ELF2: variants seen among roughly 807,000 people sequenced by gnomAD.
ELF2 encodes E74 like ETS transcription factor 2, also known as ETS-related transcription factor Elf-2.
ELF2 carries 11 observed loss-of-function variants against 54.8 expected under a neutral mutation model. The ratio of observed to expected loss-of-function variants is 0.20; its 90% CI spans 0.13 to 0.33. The LOEUF is 0.33. Among genes scored for constraint, ELF2 ranks in the 10% least tolerant of loss-of-function variants. The probability of loss-of-function intolerance (pLI) is 1.00; values close to 1 mark genes in which losing one functional copy is unlikely to be tolerated. For synonymous variants in ELF2, 203 were observed against 245.1 expected, an observed-to-expected ratio of 0.83 and a Z score of 1.61; for missense variants, 513 against 703.0, an observed-to-expected ratio of 0.73 and a Z score of 3.06.
intron 1 of ELF2, among the ~76,000 whole-genome samples, chr4:139,174,006 GA>G (rs1297657458): frequency 6.7e-6 from 1 of 150,124 alleles, no homozygotes; most frequent in Non-Finnish European, 1.5e-5. Flanking sequence ...GGCGGATCAC[GA>G]GGTCAGGAGA....
At chr4:139,161,963 G>A (rs769293905) in intron 1 of ELF2, among the ~76,000 whole-genome samples, 1 of 152,140 alleles carries the variant, frequency 6.6e-6, no homozygotes, top group Non-Finnish European at 1.5e-5. Context: ...GTGTGGTGGT[G>A]GACGCCTGTA....
At chr4:139,133,361 T>C (rs550289115) in intron 3 of ELF2, among the ~76,000 whole-genome samples, 3 of 152,340 alleles carry the variant, frequency 2.0e-5, no homozygotes, top group Admixed American at 6.5e-5. Flanking sequence ...ATTTCCCTGA[T>C]AGTTAATAAT....
chr4:139,086,279 T>C (rs1425413242), intron 4 of ELF2, among the ~76,000 whole-genome samples: 1 of 152,098 alleles, frequency 6.6e-6, no homozygotes, highest in East Asian at 1.9e-4. Context: ...CTTGAGCATG[T>C]TTAGGGAAAA....
At chr4:139,170,532 G>C (rs1364255062) in intron 1 of ELF2, among the ~76,000 whole-genome samples, 1 of 150,940 alleles carries the variant, frequency 6.6e-6, no homozygotes, top group African/African-American at 2.4e-5. Context: ...AAAGTGCTGG[G>C]ATTACAGGTG....
At chr4:139,084,290 G>A (rs921841027) in intron 4 of ELF2, 1 of 1,600,412 alleles carries the variant, frequency 6.2e-7, no homozygotes, top group African/African-American at 1.3e-5. Flanking sequence ...CACACGCCGT[G>A]CGACCGACAC....
intron 4 of ELF2, among the ~76,000 whole-genome samples, chr4:139,088,450 GTTT>G: frequency 6.6e-6 from 1 of 152,238 alleles, no homozygotes; most frequent in African/African-American, 2.4e-5. Context: ...TCAATACTGA[GTTT>G]TTAATTGCCA....
intron 4 of ELF2, 176 bp from the exon 5 acceptor site, chr4:139,073,743 A>ATCTAC (rs1344390712): frequency 2.9e-6 from 1 of 349,076 alleles, no homozygotes; most frequent in African/African-American, 2.1e-5. Flanking sequence ...TTACAGAAAT[A>ATCTAC]ATTTTTAAAA....
At chr4:139,066,465 AAAAAAG>A in intron 7 of ELF2, 1 of 152,148 alleles carries the variant, frequency 6.6e-6, no homozygotes, top group Middle Eastern at 3.4e-3. Context: ...AAAATTAAAA[AAAAAAG>A]ATAATAAAAA....
chr4:139,088,089 C>G (rs1732184955), intron 4 of ELF2, among the ~76,000 whole-genome samples: 2 of 151,958 alleles, frequency 1.3e-5, no homozygotes, highest in Non-Finnish European at 1.5e-5. Context: ...GAATTTGAGA[C>G]CAGCCTGGCC....
intron 3 of ELF2, among the ~76,000 whole-genome samples, chr4:139,135,237 A>ACGTG (rs1553968023): frequency 8.9e-6 from 1 of 112,398 alleles, no homozygotes; most frequent in African/African-American, 3.0e-5. Context: ...TACTATATAT[A>ACGTG]TGTGTGTGTG....
At chr4:139,067,340 A>G (rs1042894932) in intron 7 of ELF2, 1 of 197,568 alleles carries the variant, frequency 5.1e-6, no homozygotes, top group African/African-American at 2.3e-5. Flanking sequence ...TTAGTTGTAA[A>G]CCCCTTTGAA....
intron 4 of ELF2, among the ~76,000 whole-genome samples, chr4:139,077,323 C>G (rs1730450753): frequency 6.6e-6 from 1 of 152,112 alleles, no homozygotes; most frequent in Non-Finnish European, 1.5e-5. Flanking sequence ...ATCTACAGTT[C>G]AGAGAGCATT....
At chr4:139,076,591 G>C (rs1165613179) in intron 4 of ELF2, among the ~76,000 whole-genome samples, 2 of 152,006 alleles carry the variant, frequency 1.3e-5, no homozygotes, top group Non-Finnish European at 2.9e-5. Context: ...ATTGTATTAA[G>C]ACACACCCTA....
intron 4 of ELF2, among the ~76,000 whole-genome samples, chr4:139,086,796 G>A (rs994058819): frequency 6.6e-6 from 1 of 151,708 alleles, no homozygotes; most frequent in East Asian, 1.9e-4. Flanking sequence ...ATATACAGTG[G>A]GTATAATTAC....
chr4:139,139,873 A>G (rs1380935608), intron 1 of ELF2, among the ~76,000 whole-genome samples: 3 of 152,114 alleles, frequency 2.0e-5, no homozygotes, highest in Non-Finnish European at 4.4e-5. Context: ...CCAGGAGTAT[A>G]AAATCAAGTT....
At chr4:139,089,314 A>T (rs1732340685) in intron 4 of ELF2, among the ~76,000 whole-genome samples, 1 of 152,140 alleles carries the variant, frequency 6.6e-6, no homozygotes, top group South Asian at 2.1e-4. Flanking sequence ...GGGGGATTTA[A>T]ACCACACAGG....
At chr4:139,134,584 ATTTATTTTATTTTATTTTAT>A (rs142478360) in intron 3 of ELF2, among the ~76,000 whole-genome samples, 3 of 139,984 alleles carry the variant, frequency 2.1e-5, no homozygotes, top group African/African-American at 5.4e-5. Flanking sequence ...TTTATGTTAT[ATTTATTTTATTTTATTTTAT>A]TTTATTTTAT....
At position 139,115,058 on chromosome 4, in the gene ELF2, C is replaced by T. The variant is rs568080858; in HGVS notation, c.238+10106G>A. 4.8e-5 allele frequency: 77 copies of T among 1,613,976 alleles called. No homozygotes were observed. In the African/African-American group the frequency reaches 9.9e-4, roughly 21 times the overall value. ...TTGACCGTGGCAGCCCGGGCATCGT[C>T]ACTCTCCATGTCCAGGAGCTCATCC... On this transcript the variant is annotated intron_variant, in intron 4 of 9. Coordinates refer to ENST00000686138, the MANE Select transcript of ELF2 (RefSeq NM_001331036.3).
intron 4 of ELF2, among the ~76,000 whole-genome samples, chr4:139,114,073 CATTTT>C (rs1735267019): frequency 6.6e-6 from 1 of 152,154 alleles, no homozygotes; most frequent in Middle Eastern, 3.4e-3. Context: ...AGCTTCATTT[CATTTT>C]CTTTTTAGAT....
Sources: allele counts gnomAD v4.1 joint callset (sites outside exome capture counted in the v4.1 genomes callset), GRCh38; gene constraint gnomAD v4.1.1; transcripts MANE v1.5; gene names NCBI Gene and HGNC (gene_info 2026-07-23, HGNC 2026-07-21).